Variants in DZIP3 observed in about 807,000 individuals in gnomAD.
DZIP3 encodes the protein DAZ interacting zinc finger protein 3, also known as E3 ubiquitin-protein ligase DZIP3.
In DZIP3, 118 loss-of-function variants were observed where a neutral mutation model predicts 162.0. That is an observed-to-expected ratio of 0.73 (90% CI 0.63 to 0.85). The LOEUF (loss-of-function observed/expected upper bound fraction) is 0.85. Among genes scored for constraint, DZIP3 ranks in the 40% least tolerant of loss-of-function variants. The pLI, the probability that DZIP3 is intolerant of heterozygous loss-of-function variation, is 0.00. For missense variants in DZIP3, 1,331 were observed against 1,407.0 expected (o/e 0.95, Z 0.86); for synonymous variants, 438 against 458.6 (o/e 0.96, Z 0.57).
In DZIP3 at chr3:108,624,430, T is replaced by A; in HGVS notation, c.376-14T>A. On this transcript the variant is annotated splice_polypyrimidine_tract_variant and intron_variant, in intron 5 of 32. Transcript: ENST00000361582. ...TAGTCTAAATAACCAATTAACATAT[T>A]TTTTTCTTTGTAGGCACACCAGATT... 1.3e-6 allele frequency: 2 copies of A among 1,497,220 alleles called. No individual in the cohort carries two copies. Among genetic ancestry groups the A allele is most frequent in the Non-Finnish European group, 1.9e-6 (2 of 1,078,718 alleles). The allele number at this position is 1,497,220 out of a possible 1,614,324, so 92.7% of individuals were successfully genotyped here.
At chr3:108,633,215 GT>G in intron 9 of DZIP3, 143 bp downstream of exon 9, 2 of 294,284 alleles carry the variant, frequency 6.8e-6, no homozygotes, top group Non-Finnish European at 1.1e-5. Context: ...CAGTTGAAAA[GT>G]TATTTTACTA....
rs376249808 is a variant in DZIP3 at position 108,690,906 on chromosome 3, C to T, written c.*6+3C>T. On this transcript the variant is annotated splice_donor_region_variant and intron_variant, in intron 32 of 32. Coordinates refer to ENST00000361582, the MANE Select transcript of DZIP3 (RefSeq NM_014648.4). The stretch of plus-strand genomic sequence containing the variant: ...AGTTGCCCAAGATCTGATACAAGGT[C>T]GGGGTGTCTATGCAAAGGAAGCTCA... 3.8e-4 allele frequency: 616 copies of T among 1,613,208 alleles called. 1 individual carries two copies. Among genetic ancestry groups the T allele is most frequent in the Non-Finnish European group, 4.9e-4 (583 of 1,179,238 alleles).
intron 18 of DZIP3, among the ~76,000 whole-genome samples, chr3:108,652,406 C>T (rs1267707835): frequency 4.6e-5 from 7 of 151,754 alleles, no homozygotes; most frequent in Non-Finnish European, 8.9e-5. Flanking sequence ...GAAATATGAA[C>T]ATCTTCCTAT....
chr3:108,672,702 T>C (rs1437191310), intron 23 of DZIP3, 46 bp downstream of exon 23: 2 of 1,422,464 alleles, frequency 1.4e-6, no homozygotes, highest in South Asian at 1.2e-5. Flanking sequence ...GGGAAAAGTT[T>C]TACTTGTATA....
intron 4 of DZIP3, among the ~76,000 whole-genome samples, chr3:108,615,575 A>G (rs561868287): frequency 1.4e-4 from 22 of 152,318 alleles, no homozygotes; most frequent in Non-Finnish European, 2.8e-4. Flanking sequence ...AATGTTATAT[A>G]TGGAAACCAA....
intron 9 of DZIP3, among the ~76,000 whole-genome samples, chr3:108,634,142 A>G (rs1576391520): frequency 6.6e-6 from 1 of 152,084 alleles, no homozygotes; most frequent in Non-Finnish European, 1.5e-5. Context: ...GGAGAAGACC[A>G]AGATCTATTC....
intron 4 of DZIP3, among the ~76,000 whole-genome samples, chr3:108,612,739 T>A (rs1940787172): frequency 6.6e-6 from 1 of 152,174 alleles, no homozygotes; most frequent in Non-Finnish European, 1.5e-5. Context: ...TGTTATACTG[T>A]ATTGTCTTTT....
chr3:108,651,269 A>G, intron 18 of DZIP3, 107 bp downstream of exon 18: 1 of 347,944 alleles, frequency 2.9e-6, no homozygotes, highest in Non-Finnish European at 4.4e-6. Context: ...TCACTAAGAG[A>G]AGAAGGATAG....
intron 5 of DZIP3, among the ~76,000 whole-genome samples, chr3:108,622,880 C>CTCTCTCTGTGTGTGTG (rs796232998): frequency 2.3e-4 from 12 of 53,080 alleles, no homozygotes; most frequent in Admixed American, 7.1e-4. Context: ...CTCTCTCTCT[C>CTCTCTCTGTGTGTGTG]TGTGTGTGTG....
At chr3:108,605,312 T>A in intron 1 of DZIP3, 23 bp from the exon 2 acceptor site, 2 of 1,515,866 alleles carry the variant, frequency 1.3e-6, no homozygotes, top group South Asian at 2.3e-5. Flanking sequence ...CCTATCTTCA[T>A]AAAAATATTA....
intron 17 of DZIP3, among the ~76,000 whole-genome samples, chr3:108,649,639 G>T (rs1272140987): frequency 1.3e-5 from 2 of 151,754 alleles, no homozygotes; most frequent in African/African-American, 4.8e-5. Flanking sequence ...GATATATTCT[G>T]TATATTATAA....
chr3:108,628,199 GA>G (rs1281053524), intron 7 of DZIP3, among the ~76,000 whole-genome samples: 1 of 152,106 alleles, frequency 6.6e-6, no homozygotes, highest in Non-Finnish European at 1.5e-5. Context: ...TCTTAAGAAG[GA>G]AGGGCATCAT....
chr3:108,611,050 T>C (rs1215462903), intron 3 of DZIP3, 124 bp from the exon 4 acceptor site: 3 of 900,028 alleles, frequency 3.3e-6, no homozygotes, highest in Non-Finnish European at 5.0e-6. Context: ...AATTCTGTCA[T>C]AGAAGCTAGG....
chr3:108,620,785 G>C (rs773244349), intron 5 of DZIP3, among the ~76,000 whole-genome samples: 1 of 152,134 alleles, frequency 6.6e-6, no homozygotes, highest in South Asian at 2.1e-4. Flanking sequence ...GGAGAGTAAA[G>C]GATTTTGATT....
At chr3:108,602,714 T>C (rs1940095289) in intron 1 of DZIP3, 1 of 152,168 alleles carries the variant, frequency 6.6e-6, no homozygotes, top group Non-Finnish European at 1.5e-5. Flanking sequence ...AGCAGCTCAG[T>C]GGTGACATTT....
chr3:108,686,412 A>T (rs1944499899), intron 27 of DZIP3, 33 bp from the exon 28 acceptor site: 1 of 1,493,042 alleles, frequency 6.7e-7, no homozygotes, highest in Non-Finnish European at 8.9e-7. Flanking sequence ...TAATAATTAA[A>T]CCTGCTGGGC....
chr3:108,597,149 T>C (rs1939755366), intron 1 of DZIP3, among the ~76,000 whole-genome samples: 1 of 152,228 alleles, frequency 6.6e-6, no homozygotes, highest in Non-Finnish European at 1.5e-5. Flanking sequence ...TTTACAATTA[T>C]TTTTCCTGTT....
At position 108,651,120 on chromosome 3, in the gene DZIP3, C is replaced by G; in HGVS notation, c.2008-17C>G. Reference sequence around the variant, plus strand: ...ATATAGTTGATATAGATTACTAATTCTTATGTTATTTTTCAGAATAAAGAC... The same window carrying G: ...ATATAGTTGATATAGATTACTAATTGTTATGTTATTTTTCAGAATAAAGAC... On this transcript the variant is annotated splice_polypyrimidine_tract_variant and intron_variant, in intron 17 of 32. Transcript: ENST00000361582. 2.9e-6 allele frequency: 2 copies of G among 698,268 alleles called. No individual in the cohort carries two copies. Among genetic ancestry groups the G allele is most frequent in the Non-Finnish European group, 4.1e-6 (2 of 483,306 alleles). The allele number at this position is 698,268 out of a possible 1,614,324, so 43.3% of individuals were successfully genotyped here. A position where few individuals can be genotyped will look rare whatever the true frequency, so the allele number is the denominator to read the frequency against.
intron 26 of DZIP3, among the ~76,000 whole-genome samples, chr3:108,678,795 C>T (rs968819738): frequency 6.6e-6 from 1 of 151,956 alleles, no homozygotes; most frequent in Non-Finnish European, 1.5e-5. Flanking sequence ...TATCACCACT[C>T]CTGCTTATAA....
Sources: allele counts gnomAD v4.1 joint callset (sites outside exome capture counted in the v4.1 genomes callset), GRCh38; gene constraint gnomAD v4.1.1; transcripts MANE v1.5; gene names NCBI Gene and HGNC (gene_info 2026-07-23, HGNC 2026-07-21).